The following PPP2R5A variants were observed in gnomAD, a reference collection of about 807,000 sequenced individuals.
The protein encoded by PPP2R5A is serine/threonine-protein phosphatase 2A 56 kDa regulatory subunit alpha isoform.
PPP2R5A carries 25 observed loss-of-function variants against 64.2 expected under a neutral mutation model. That is an observed-to-expected ratio of 0.39 (90% CI 0.28 to 0.54). The LOEUF (loss-of-function observed/expected upper bound fraction) is 0.54. PPP2R5A is among the 20% of genes least tolerant of loss of function. PPP2R5A has a pLI of 0.67. For synonymous variants in PPP2R5A, 198 were observed against 201.2 expected (o/e 0.98, Z 0.13); for missense variants, 425 against 576.3 (o/e 0.74, Z 2.69).
chr1:212,305,948 A>G (rs1353460157), intron 1 of PPP2R5A, among the ~76,000 whole-genome samples: 1 of 152,210 alleles, frequency 6.6e-6, no homozygotes, highest in Non-Finnish European at 1.5e-5. Context: ...TCAAAATCCT[A>G]AGGAAATTGA....
intron 1 of PPP2R5A, among the ~76,000 whole-genome samples, chr1:212,318,498 A>G (rs1659201585): frequency 6.6e-6 from 1 of 152,240 alleles, no homozygotes; most frequent in Non-Finnish European, 1.5e-5. Context: ...ACTGCAGGTT[A>G]TTACATATAT....
intron 3 of PPP2R5A, among the ~76,000 whole-genome samples, chr1:212,338,191 G>C (rs1371733593): frequency 6.6e-6 from 1 of 152,174 alleles, no homozygotes; most frequent in Non-Finnish European, 1.5e-5. Context: ...GTGAAGACCA[G>C]AATTCTATGT....
intron 1 of PPP2R5A, among the ~76,000 whole-genome samples, chr1:212,326,554 G>A (rs1485208736): frequency 2.6e-5 from 4 of 152,092 alleles, no homozygotes; most frequent in Non-Finnish European, 5.9e-5. Flanking sequence ...CCAAGATCGC[G>A]CCACCACACT....
chr1:212,286,059 G>A lies in PPP2R5A; in HGVS notation c.-52G>A, dbSNP rs893172853. 1.8e-5 allele frequency: 26 copies of A among 1,475,098 alleles called. 1 individual carries two copies. In the South Asian group the frequency reaches 3.2e-4, roughly 18 times the overall value. The allele number at this position is 1,475,098 out of a possible 1,614,324, so 91.4% of individuals were successfully genotyped here. On this transcript the variant is annotated 5_prime_UTR_variant, in exon 1 of 13. Transcript: ENST00000261461. ...GCCTCCTCCTGCCGTCTCCGCCGCT[G>A]CCCGTGCCTTGCAAGCAGCAGCCGG...
intron 1 of PPP2R5A, among the ~76,000 whole-genome samples, chr1:212,323,405 C>T (rs2921129): frequency 0.83 from 126,685 of 152,234 alleles, 53,128 homozygotes; most frequent in African/African-American, 0.94. Context: ...TATTTTAATA[C>T]GTAGCACAGC....
chr1:212,285,913 C>T lies in PPP2R5A; in HGVS notation c.-198C>T. ...GCCGCGCGCCGGGGACCAGGAACCTCCAGCGCTGAGATGTGGCCGTGAGGC... is the reference window on the plus strand; with the variant it reads ...GCCGCGCGCCGGGGACCAGGAACCTTCAGCGCTGAGATGTGGCCGTGAGGC... On this transcript the variant is annotated 5_prime_UTR_variant, in exon 1 of 13. Coordinates refer to ENST00000261461, the MANE Select transcript of PPP2R5A (RefSeq NM_006243.4). 2 of 472,696 alleles carry T rather than the reference C, an allele frequency of 4.2e-6. No homozygotes were observed. Among genetic ancestry groups the T allele is most frequent in the East Asian group, 7.6e-5 (2 of 26,340 alleles). The allele number at this position is 472,696 out of a possible 1,614,324, so 29.3% of individuals were successfully genotyped here.
chr1:212,319,878 C>T (rs1659233863), intron 1 of PPP2R5A, among the ~76,000 whole-genome samples: 1 of 151,420 alleles, frequency 6.6e-6, no homozygotes, highest in East Asian at 1.9e-4. Flanking sequence ...CCGTCTCAGC[C>T]TTCCAAAGTG....
At chr1:212,324,687 C>G (rs1659376100) in intron 1 of PPP2R5A, among the ~76,000 whole-genome samples, 1 of 151,788 alleles carries the variant, frequency 6.6e-6, no homozygotes, top group Non-Finnish European at 1.5e-5. Context: ...TCACTGCAAG[C>G]TCTGCCTCCC....
In PPP2R5A at chr1:212,342,272, G is replaced by C. The variant is rs147962315; in HGVS notation, c.565G>C (p.Val189Leu). 1 of 1,612,356 alleles carries C rather than the reference G, an allele frequency of 6.2e-7. No homozygotes were observed. The highest frequency in any genetic ancestry group is 1.1e-5 in the South Asian group (1 of 90,790). ...AAAACGATACATTGATCAGAAATTC[G>C]TACAACAGGTAAGGAACTCTTTTGT... ...IAKRYIDQKF[V>L]QQLLELFDSE... The change falls in exon 4 of 13, where the codon GTA (valine) becomes CTA (leucine). Residue 189 changes from valine to leucine, a missense_variant. Around this residue, in one of 4 missense-constraint regions of PPP2R5A, gnomAD observed 140 missense variants for 204.4 expected, o/e 0.68. Coordinates refer to ENST00000261461, the MANE Select transcript of PPP2R5A (RefSeq NM_006243.4).
intron 1 of PPP2R5A, among the ~76,000 whole-genome samples, chr1:212,319,701 C>T (rs2102425375): frequency 6.7e-6 from 1 of 148,426 alleles, no homozygotes; most frequent in East Asian, 2.0e-4. Context: ...GCTCACTGCA[C>T]CCTCTGCCTC....
intron 1 of PPP2R5A, among the ~76,000 whole-genome samples, chr1:212,290,073 T>C (rs1658573178): frequency 6.6e-6 from 1 of 152,214 alleles, no homozygotes; most frequent in Admixed American, 6.5e-5. Flanking sequence ...GCTTTGAGAT[T>C]GAAGTCCCCT....
At chr1:212,338,878 C>T (rs151309879) in intron 3 of PPP2R5A, among the ~76,000 whole-genome samples, 1 of 151,992 alleles carries the variant, frequency 6.6e-6, no homozygotes, top group African/African-American at 2.4e-5. Context: ...TTCATTCATT[C>T]AGTAAGCATC....
intron 1 of PPP2R5A, chr1:212,301,983 T>C (rs750216102): frequency 8.8e-4 from 1,245 of 1,417,908 alleles, no homozygotes; most frequent in Non-Finnish European, 1.1e-3. Context: ...TCCTTAAATG[T>C]AGAGGATTAA....
At position 212,338,107 on chromosome 1, in the gene PPP2R5A, A is replaced by G. The variant is rs1294447524; in HGVS notation, c.481-4081A>G. ...CATTTCTATTCCTTTAGCTTTTTGT[A>G]TAGGTCTTATTTTTCAGATACTTTA... On this transcript the variant is annotated intron_variant, in intron 3 of 12. Transcript: ENST00000261461. Among the ~76,000 whole-genome samples the G allele has an allele frequency of 2.6e-5, 4 of 151,948 alleles. No individual in the cohort carries two copies. In the East Asian group the frequency reaches 7.7e-4, roughly 29 times the overall value.
intron 4 of PPP2R5A, among the ~76,000 whole-genome samples, 175 bp from the exon 5 acceptor site, chr1:212,345,628 A>C (rs958772485): frequency 6.6e-6 from 1 of 152,204 alleles, no homozygotes; most frequent in African/African-American, 2.4e-5. Flanking sequence ...AGTGAGAAGA[A>C]ATATTTCCTA....
At chr1:212,286,792 A>C (rs1658512667) in intron 1 of PPP2R5A, among the ~76,000 whole-genome samples, 1 of 152,152 alleles carries the variant, frequency 6.6e-6, no homozygotes, top group African/African-American at 2.4e-5. Context: ...GATTGCCCCT[A>C]AGAGTCATCA....
chr1:212,294,410 TA>T (rs901480929), intron 1 of PPP2R5A, among the ~76,000 whole-genome samples: 5 of 152,206 alleles, frequency 3.3e-5, no homozygotes, highest in Non-Finnish European at 7.4e-5. Flanking sequence ...AAGTTAAAAG[TA>T]AAATAAGACA....
chr1:212,310,219 T>C (rs1180888204), intron 1 of PPP2R5A, among the ~76,000 whole-genome samples: 3 of 152,086 alleles, frequency 2.0e-5, no homozygotes, highest in African/African-American at 7.2e-5. Context: ...AAATCCAGGC[T>C]CCTTTGAAGG....
chr1:212,323,931 G>C (rs528514479), intron 1 of PPP2R5A, among the ~76,000 whole-genome samples: 2 of 152,082 alleles, frequency 1.3e-5, no homozygotes, highest in Non-Finnish European at 2.9e-5. Flanking sequence ...AATTAGCCGG[G>C]TGTGGTGGTG....
Sources: allele counts gnomAD v4.1 joint callset (sites outside exome capture counted in the v4.1 genomes callset), GRCh38; gene constraint gnomAD v4.1.1; regional missense constraint gnomAD v4.1.1; transcripts MANE v1.5; gene names NCBI Gene and HGNC (gene_info 2026-07-23, HGNC 2026-07-21).